Variants in ETV5 observed in about 807,000 individuals in gnomAD.
The protein encoded by ETV5 is ETS translocation variant 5.
In ETV5, 10 loss-of-function variants were observed where a neutral mutation model predicts 70.0. The observed-to-expected ratio is 0.14, with a 90% CI of 0.09 to 0.24. The LOEUF (loss-of-function observed/expected upper bound fraction) is 0.24. Among genes scored for constraint, ETV5 ranks in the 10% least tolerant of loss-of-function variants. The pLI, the probability that ETV5 is intolerant of heterozygous loss-of-function variation, is 1.00. For synonymous variants in ETV5, 216 were observed against 242.2 expected (o/e 0.89, Z 1.01); for missense variants, 453 against 651.2 (o/e 0.70, Z 3.31).
chr3:186,087,427 T>C (rs150926874), intron 5 of ETV5, among the ~76,000 whole-genome samples: 5 of 152,366 alleles, frequency 3.3e-5, no homozygotes, highest in African/African-American at 1.2e-4. Flanking sequence ...ATACCGTTTG[T>C]AAGAATTCAT....
chr3:186,048,884 A>C (rs1471048540), intron 12 of ETV5, 24 bp from the exon 13 acceptor site: 1 of 1,596,970 alleles, frequency 6.3e-7, no homozygotes, highest in Non-Finnish European at 8.6e-7. Flanking sequence ...CACACCTTAC[A>C]GGGCCCAGTT....
intron 5 of ETV5, among the ~76,000 whole-genome samples, chr3:186,092,147 C>A (rs1326173201): frequency 6.6e-6 from 1 of 152,178 alleles, no homozygotes; most frequent in Non-Finnish European, 1.5e-5. Context: ...CTCTCAGTTC[C>A]TAAGTGTGGT....
chr3:186,073,207 A>G (rs1259673448), intron 7 of ETV5, among the ~76,000 whole-genome samples: 2 of 152,238 alleles, frequency 1.3e-5, no homozygotes, highest in Admixed American at 6.5e-5. Flanking sequence ...ATTACATTTT[A>G]AAAACTTAAC....
chr3:186,067,609 CAAA>C (rs908859546), intron 7 of ETV5, among the ~76,000 whole-genome samples: 1 of 116,832 alleles, frequency 8.6e-6, no homozygotes, highest in Non-Finnish European at 1.8e-5. Context: ...AAGACTGTCT[CAAA>C]AAAAAAAAAA....
intron 9 of ETV5, among the ~76,000 whole-genome samples, chr3:186,062,831 A>T (rs1291134261): frequency 6.6e-6 from 1 of 152,212 alleles, no homozygotes; most frequent in Admixed American, 6.5e-5. Flanking sequence ...TATGCACAGC[A>T]AAGATTGAAA....
intron 12 of ETV5, among the ~76,000 whole-genome samples, chr3:186,049,601 A>G (rs1475864013): frequency 6.6e-6 from 1 of 152,240 alleles, no homozygotes; most frequent in Non-Finnish European, 1.5e-5. Flanking sequence ...TTCTGTCTGG[A>G]GACGCAGAGG....
rs1713384908 is a variant in ETV5, at chr3:186,064,400, A to G, written c.970+17T>C. ...GAGGAGAGAGGAGAGAAGAGGAAAG[A>G]AAAGCAGGTTCCTTACCTTCATGGC... is the stretch of plus-strand genomic sequence containing the variant. On this transcript the variant is annotated intron_variant, in intron 9 of 12. Transcript: ENST00000306376. The G allele has an allele frequency of 6.2e-7, 1 of 1,612,626 alleles. No individual in the cohort carries two copies.
At chr3:186,050,897 G>C (rs1713011838) in intron 12 of ETV5, among the ~76,000 whole-genome samples, 1 of 152,212 alleles carries the variant, frequency 6.6e-6, no homozygotes, top group African/African-American at 2.4e-5. Context: ...CATTAGGAAT[G>C]TTCTAGGTCT....
Position 186,057,569 on chromosome 3 carries a change from G to T in ETV5, c.971-78C>A. 1 of 1,205,028 alleles carries T rather than the reference G, an allele frequency of 8.3e-7. No homozygotes were observed. The highest frequency in any genetic ancestry group is 1.2e-6 in the Non-Finnish European group (1 of 809,934). 74.6% of individuals were successfully genotyped at this position (1,205,028 alleles called of 1,614,324 possible). On this transcript the variant is annotated intron_variant, in intron 9 of 12. Transcript: ENST00000306376. The surrounding 1 kb of genome is among the most constrained non-coding windows in gnomAD (Gnocchi z 4.9). ...ACTAAAACTATGGATTTAAGGACTA[G>T]AGTGCAATCCTATCATTTCAGATCC... is the stretch of plus-strand genomic sequence containing the variant.
intron 8 of ETV5, among the ~76,000 whole-genome samples, chr3:186,064,759 A>G (rs763556259): frequency 6.6e-6 from 1 of 152,226 alleles, no homozygotes; most frequent in Non-Finnish European, 1.5e-5. Context: ...TTAACACTAA[A>G]TCTGGTGAAA....
At chr3:186,060,116 A>T (rs776786848) in intron 9 of ETV5, among the ~76,000 whole-genome samples, 1 of 152,228 alleles carries the variant, frequency 6.6e-6, no homozygotes, top group Non-Finnish European at 1.5e-5. Context: ...CTTATTATAA[A>T]GTCATTACAA....
intron 5 of ETV5, among the ~76,000 whole-genome samples, chr3:186,092,218 C>T (rs1474974742): frequency 6.6e-6 from 1 of 152,064 alleles, no homozygotes; most frequent in Non-Finnish European, 1.5e-5. Flanking sequence ...AAATGGAAAT[C>T]CAAAGGCCTT....
At chr3:186,069,662 G>A (rs1337314026) in intron 7 of ETV5, among the ~76,000 whole-genome samples, 3 of 152,074 alleles carry the variant, frequency 2.0e-5, no homozygotes, top group African/African-American at 7.2e-5. Context: ...AGCCTCCCAA[G>A]TAGCTGCGAT....
Position 186,081,070 on chromosome 3 carries a change from C to T in ETV5, c.338G>A (p.Gly113Glu). Residue 113 changes from glycine (G) to glutamate (E), a missense_variant, in exon 6 of 13, where the codon GGA (glycine) becomes GAA (glutamate). Coordinates refer to ENST00000306376, the MANE Select transcript of ETV5 (RefSeq NM_004454.3). ...CCAATAGTTGTAGAGGCACTTTTCT[C>T]CATAGTTAGCACCAAGAGCCTGCTC... The part of the protein sequence containing the change: ...SHEQALGANY[G>E]EKCLYNYCAY... 1 of 1,613,084 alleles carries T rather than the reference C, an allele frequency of 6.2e-7. No individual in the cohort carries two copies. The highest frequency in any genetic ancestry group is 8.5e-7 in the Non-Finnish European group (1 of 1,179,442).
intron 7 of ETV5, among the ~76,000 whole-genome samples, chr3:186,077,243 G>T (rs1421779986): frequency 6.6e-6 from 1 of 152,150 alleles, no homozygotes; most frequent in Non-Finnish European, 1.5e-5. Flanking sequence ...TGAAGTAATA[G>T]TCCCTCTAAT....
intron 7 of ETV5, among the ~76,000 whole-genome samples, chr3:186,074,852 C>CT (rs1713739855): frequency 8.3e-6 from 1 of 120,862 alleles, no homozygotes; most frequent in African/African-American, 3.4e-5. Flanking sequence ...CAGTTAGACT[C>CT]TGTCTCCAAA....
At chr3:186,066,331 GCA>G (rs1167956188) in intron 7 of ETV5, among the ~76,000 whole-genome samples, 2 of 143,836 alleles carry the variant, frequency 1.4e-5, no homozygotes, top group African/African-American at 5.1e-5. Flanking sequence ...TATATTTTAT[GCA>G]CAGTCTATCT....
chr3:186,063,618 A>G (rs1273829472), intron 9 of ETV5, among the ~76,000 whole-genome samples: 2 of 152,228 alleles, frequency 1.3e-5, no homozygotes, highest in African/African-American at 4.8e-5. Context: ...GATATGTGAT[A>G]ATCCAGGCTT....
At chr3:186,076,518 C>G (rs980424578) in intron 7 of ETV5, 1 of 182,586 alleles carries the variant, frequency 5.5e-6, no homozygotes, top group Non-Finnish European at 1.2e-5. Context: ...GCCCAGGACT[C>G]CCGAGGGCAA....
Sources: allele counts gnomAD v4.1 joint callset (sites outside exome capture counted in the v4.1 genomes callset), GRCh38; gene constraint gnomAD v4.1.1; non-coding constraint Gnocchi (gnomAD v3.1); transcripts MANE v1.5; gene names NCBI Gene and HGNC (gene_info 2026-07-23, HGNC 2026-07-21).